HPSE2: variants seen among roughly 807,000 people sequenced by gnomAD.
The protein encoded by HPSE2 is heparanase 2 (inactive).
Under a neutral mutation model 60.5 loss-of-function variants are expected in HPSE2, and 38 were observed. The observed-to-expected ratio is 0.63, with a 90% CI of 0.48 to 0.82. HPSE2 has a LOEUF of 0.82. HPSE2 is among the 40% of genes least tolerant of loss of function. HPSE2 has a pLI of 0.00. For missense variants in HPSE2, 713 were observed against 740.4 expected, an observed-to-expected ratio of 0.96 and a Z score of 0.43; for synonymous variants, 295 against 293.2, an observed-to-expected ratio of 1.01 and a Z score of -0.06.
At chr10:99,168,553 T>G (rs151152347) in intron 2 of HPSE2, among the ~76,000 whole-genome samples, 5 of 152,318 alleles carry the variant, frequency 3.3e-5, no homozygotes, top group Middle Eastern at 3.4e-3. Context: ...ACTTTACCTT[T>G]CTTATTTGTA....
At chr10:99,023,309 G>A (rs1957305364) in intron 3 of HPSE2, among the ~76,000 whole-genome samples, 1 of 152,124 alleles carries the variant, frequency 6.6e-6, no homozygotes, top group South Asian at 2.1e-4. Flanking sequence ...CTTGTAGTCT[G>A]AGTGCCATGT....
intron 3 of HPSE2, chr10:99,047,648 G>T: frequency 1.4e-6 from 1 of 737,382 alleles, no homozygotes; most frequent in South Asian, 1.5e-5. Context: ...CATGGATGGT[G>T]TAGAAGAGAA....
chr10:98,887,020 T>C (rs924792800), intron 3 of HPSE2, among the ~76,000 whole-genome samples: 13 of 152,136 alleles, frequency 8.5e-5, no homozygotes, highest in Non-Finnish European at 1.0e-4. Context: ...TGTAAATTTA[T>C]AGAGATAGTA....
intron 6 of HPSE2, among the ~76,000 whole-genome samples, chr10:98,685,721 GT>G (rs200135984): frequency 4.6e-5 from 7 of 151,998 alleles, no homozygotes; most frequent in East Asian, 1.9e-4. Context: ...TCTTGTAAAA[GT>G]TTTTTTTGGT....
upstream of HPSE2, among the ~76,000 whole-genome samples, chr10:99,236,351 C>G (rs986619780): frequency 4.6e-5 from 7 of 152,010 alleles, no homozygotes; most frequent in Non-Finnish European, 8.8e-5. Flanking sequence ...GGTTCAAGCT[C>G]CGACTCCGAC....
intron 6 of HPSE2, among the ~76,000 whole-genome samples, chr10:98,643,002 T>G (rs1946677516): frequency 6.6e-6 from 1 of 152,232 alleles, no homozygotes; most frequent in Admixed American, 6.5e-5. Context: ...ATTTTTAAAT[T>G]TTTGTTTTAT....
chr10:98,974,595 G>A (rs1265933858), intron 3 of HPSE2, among the ~76,000 whole-genome samples: 2 of 152,210 alleles, frequency 1.3e-5, no homozygotes, highest in East Asian at 1.9e-4. Context: ...CCTTAAGGTA[G>A]GATTTTAAAA....
intron 3 of HPSE2, among the ~76,000 whole-genome samples, chr10:98,930,618 C>G (rs1954616565): frequency 6.9e-6 from 1 of 144,830 alleles, no homozygotes; most frequent in Non-Finnish European, 1.5e-5. Context: ...TACAAGCGTT[C>G]CTATTTCTCC....
At chr10:98,568,661 T>C (rs776252954) in intron 9 of HPSE2, among the ~76,000 whole-genome samples, 1 of 152,208 alleles carries the variant, frequency 6.6e-6, no homozygotes, top group African/African-American at 2.4e-5. Flanking sequence ...TTTCTCTGCC[T>C]TGAGGTTCTC....
At chr10:99,256,801 C>T in the HPSE2 span, among the ~76,000 whole-genome samples, 1 of 152,100 alleles carries the variant, frequency 6.6e-6, no homozygotes, top group African/African-American at 2.4e-5. Context: ...CGCCTGTAAT[C>T]CCAGCACTTT....
At chr10:98,691,819 T>C (rs1186038876) in intron 6 of HPSE2, among the ~76,000 whole-genome samples, 2 of 152,202 alleles carry the variant, frequency 1.3e-5, no homozygotes, top group Non-Finnish European at 2.9e-5. Flanking sequence ...GAGATAAAAA[T>C]AGTCCCTAAC....
chr10:98,668,955 G>C lies in HPSE2; in HGVS notation c.1004+24945C>G, dbSNP rs72840540. ...CACAGCAAAATAAATTAACAATGGA[G>C]TAAATAGCCTAGAGAAAATATTCAC... On this transcript the variant is annotated intron_variant, in intron 6 of 11. Transcript: ENST00000370552. Among the ~76,000 whole-genome samples, 1,040 of 152,116 alleles carry C rather than the reference G, an allele frequency of 6.8e-3. 8 individuals carry two copies. Among genetic ancestry groups the C allele is most frequent in the South Asian group, 0.027 (131 of 4,820 alleles).
At chr10:98,659,281 A>G (rs1947161002) in intron 6 of HPSE2, among the ~76,000 whole-genome samples, 1 of 152,200 alleles carries the variant, frequency 6.6e-6, no homozygotes, top group Admixed American at 6.5e-5. Flanking sequence ...TGTGTAAACA[A>G]AAAAGTCAGG....
intron 7 of HPSE2, 127 bp downstream of exon 7, chr10:98,641,720 G>C (rs2134036084): frequency 1.3e-6 from 1 of 777,230 alleles, no homozygotes. Context: ...TGCCCATCTA[G>C]ACTGCACTAT....
intron 3 of HPSE2, among the ~76,000 whole-genome samples, chr10:98,816,078 A>G (rs1343224685): frequency 6.6e-6 from 1 of 151,298 alleles, no homozygotes; most frequent in Non-Finnish European, 1.5e-5. Context: ...ACCTAATGCT[A>G]AATGACGAGT....
intron 4 of HPSE2, among the ~76,000 whole-genome samples, chr10:98,743,155 T>TA (rs1006916939): frequency 3.6e-4 from 54 of 151,938 alleles, no homozygotes; most frequent in African/African-American, 1.3e-3. Context: ...GTATTTTTAA[T>TA]AGAGTCGGGG....
chr10:98,750,093 A>G (rs955753688), intron 3 of HPSE2, among the ~76,000 whole-genome samples: 3 of 151,902 alleles, frequency 2.0e-5, no homozygotes, highest in African/African-American at 7.3e-5. Context: ...CTAGTATGCT[A>G]TTTTAAATAA....
At chr10:98,676,541 A>G (rs950153829) in intron 6 of HPSE2, among the ~76,000 whole-genome samples, 1 of 152,196 alleles carries the variant, frequency 6.6e-6, no homozygotes, top group African/African-American at 2.4e-5. Flanking sequence ...ATGAGGCAGG[A>G]TCTTTCTCCT....
chr10:98,827,030 A>G (rs560540904), intron 3 of HPSE2, among the ~76,000 whole-genome samples: 1 of 152,014 alleles, frequency 6.6e-6, no homozygotes, highest in Admixed American at 6.5e-5. Context: ...ATATGCCTGT[A>G]TTCTCAGCTA....
Sources: gnomAD v4.1 joint callset for allele counts (sites outside exome capture counted in the v4.1 genomes callset) on GRCh38, gnomAD v4.1.1 for gene constraint, MANE v1.5 for transcripts, NCBI Gene and HGNC (gene_info 2026-07-23, HGNC 2026-07-21) for gene names.